NPSR1: variants seen among roughly 807,000 people sequenced by gnomAD.
NPSR1 encodes neuropeptide S receptor 1.
NPSR1 carries 48 observed loss-of-function variants against 46.9 expected under a neutral mutation model. The observed-to-expected ratio is 1.02, with a 90% confidence interval of 0.81 to 1.30. NPSR1 has a LOEUF of 1.30. Ranked by LOEUF, NPSR1 falls within the 50% of genes most tolerant of loss-of-function variation. The probability of loss-of-function intolerance (pLI) is 0.00; values close to 1 mark genes in which losing one functional copy is unlikely to be tolerated. For missense variants in NPSR1, 450 were observed against 449.5 expected (o/e 1.00, Z -0.01); for synonymous variants, 176 against 168.1 (o/e 1.05, Z -0.36).
At chr7:34,853,123 A>G (rs186191551), downstream of NPSR1, among the ~76,000 whole-genome samples, 134 of 152,286 alleles carry the variant, frequency 8.8e-4, no homozygotes, top group African/African-American at 3.1e-3. Flanking sequence ...CGCAGCTTAA[A>G]CTTCCTAGCT....
intron 2 of NPSR1, among the ~76,000 whole-genome samples, chr7:34,762,923 C>CTATAGAATTTCCA (rs1327070596): frequency 6.6e-6 from 1 of 152,170 alleles, no homozygotes; most frequent in East Asian, 1.9e-4. Flanking sequence ...TATTCTATGG[C>CTATAGAATTTCCA]TCTGCTATGC....
At chr7:34,746,794 G>A (rs777096998) in intron 2 of NPSR1, among the ~76,000 whole-genome samples, 72 of 152,154 alleles carry the variant, frequency 4.7e-4, no homozygotes, top group Non-Finnish European at 9.1e-4. Flanking sequence ...GGGAAAGAGT[G>A]AGGAGTATGC....
chr7:34,864,670 G>A (rs1286716573), intron 8 of NPSR1, among the ~76,000 whole-genome samples: 1 of 151,732 alleles, frequency 6.6e-6, no homozygotes, highest in African/African-American at 2.4e-5. Flanking sequence ...ACAAAATGTT[G>A]GAGTTGAGAT....
chr7:34,747,159 A>AAG (rs1351044866), intron 2 of NPSR1, among the ~76,000 whole-genome samples: 2 of 151,210 alleles, frequency 1.3e-5, no homozygotes, highest in Non-Finnish European at 2.9e-5. Flanking sequence ...AGGCATTTCT[A>AAG]AGAGAGAGAC....
intron 8 of NPSR1, among the ~76,000 whole-genome samples, chr7:34,866,624 T>C (rs375564156): frequency 0.013 from 1,922 of 151,634 alleles, 62 homozygotes; most frequent in African/African-American, 0.037. Flanking sequence ...ATAAGTGATC[T>C]AGAAAACCAT....
At chr7:34,778,368 C>T in intron 2 of NPSR1, 94 bp from the exon 3 acceptor site, 1 of 683,296 alleles carries the variant, frequency 1.5e-6, no homozygotes, top group Non-Finnish European at 2.4e-6. Context: ...AATGAACCTC[C>T]CCAGGATTTC....
intron 4 of NPSR1, among the ~76,000 whole-genome samples, chr7:34,822,175 G>A (rs367864352): frequency 6.6e-6 from 1 of 152,176 alleles, no homozygotes; most frequent in African/African-American, 2.4e-5. Context: ...AACGCGACAC[G>A]AGAGGTTCCA....
intron 1 of NPSR1, among the ~76,000 whole-genome samples, chr7:34,660,991 G>A (rs34909230): frequency 0.021 from 3,174 of 152,244 alleles, 41 homozygotes; most frequent in Middle Eastern, 0.034. Flanking sequence ...CAAGCTCCTT[G>A]AGTAAAATGA....
At chr7:34,752,222 C>A (rs2128724551) in intron 2 of NPSR1, among the ~76,000 whole-genome samples, 1 of 152,252 alleles carries the variant, frequency 6.6e-6, no homozygotes, top group East Asian at 1.9e-4. Context: ...AATCTATAAC[C>A]AAGGTCTGAG....
intron 2 of NPSR1, among the ~76,000 whole-genome samples, chr7:34,738,671 C>T (rs1054887037): frequency 7.9e-5 from 12 of 152,014 alleles, no homozygotes; most frequent in Admixed American, 7.9e-4. Context: ...TTGTCTTCTT[C>T]ATCTCCTTTC....
chr7:34,780,758 A>C (rs1374456418), intron 3 of NPSR1, among the ~76,000 whole-genome samples: 2 of 152,170 alleles, frequency 1.3e-5, no homozygotes, highest in African/African-American at 4.8e-5. Flanking sequence ...AGCCCTTTCA[A>C]ATTCCCAAGA....
Position 34,722,180 on chromosome 7 carries a change from A to T in NPSR1, c.280+37496A>T, listed in dbSNP as rs998126368. On this transcript the variant is annotated intron_variant, in intron 2 of 8. Transcript: ENST00000360581. ...AATGAGGGTGTAATTTGCAATATTC[A>T]TTACAAAGTGAAAAATGTTAAAGTA... 3.2e-4 allele frequency among the ~76,000 whole-genome samples: 48 copies of T among 152,182 alleles called. 1 individual carries two copies. Among genetic ancestry groups the T allele is most frequent in the Non-Finnish European group, 2.9e-5 (2 of 68,028 alleles).
chr7:34,804,285 TG>T (rs1788579484), intron 3 of NPSR1, among the ~76,000 whole-genome samples: 1 of 152,138 alleles, frequency 6.6e-6, no homozygotes, highest in Non-Finnish European at 1.5e-5. Context: ...CTTAAATTTT[TG>T]TTTAAAGGTA....
chr7:34,834,321 C>T, intron 5 of NPSR1, 63 bp from the exon 6 acceptor site: 1 of 1,282,374 alleles, frequency 7.8e-7, no homozygotes. Context: ...GAGTGGTCTT[C>T]TCTGTGTCCT....
chr7:34,831,668 G>T (rs1007038848), intron 5 of NPSR1, among the ~76,000 whole-genome samples: 1 of 152,132 alleles, frequency 6.6e-6, no homozygotes, highest in East Asian at 1.9e-4. Flanking sequence ...AACAGGAGTT[G>T]TTTTGAAATT....
At chr7:34,790,769 A>G (rs183695535) in intron 3 of NPSR1, among the ~76,000 whole-genome samples, 9 of 118,974 alleles carry the variant, frequency 7.6e-5, no homozygotes, top group Admixed American at 6.6e-4. Context: ...TGTTATATAT[A>G]ATATATGTTA....
intron 2 of NPSR1, among the ~76,000 whole-genome samples, chr7:34,700,805 C>A (rs947385719): frequency 6.6e-6 from 1 of 152,076 alleles, no homozygotes; most frequent in Non-Finnish European, 1.5e-5. Flanking sequence ...AATGGGAATA[C>A]CTCTTGGAGT....
intron 2 of NPSR1, among the ~76,000 whole-genome samples, chr7:34,726,231 C>T (rs1784144565): frequency 6.6e-6 from 1 of 152,114 alleles, no homozygotes; most frequent in Non-Finnish European, 1.5e-5. Flanking sequence ...AATAAAGATA[C>T]ACAGATGGCA....
intron 2 of NPSR1, among the ~76,000 whole-genome samples, chr7:34,730,196 T>C (rs113660650): frequency 6.6e-6 from 1 of 152,230 alleles, no homozygotes; most frequent in Non-Finnish European, 1.5e-5. Context: ...GGGAACAGAA[T>C]TAATGGTCAG....
Sources: gnomAD v4.1 joint callset for allele counts (sites outside exome capture counted in the v4.1 genomes callset) on GRCh38, gnomAD v4.1.1 for gene constraint, MANE v1.5 for transcripts, NCBI Gene and HGNC (gene_info 2026-07-23, HGNC 2026-07-21) for gene names.